USP12: variants seen among roughly 807,000 people sequenced by gnomAD.
USP12 encodes ubiquitin specific peptidase 12, also known as ubiquitin carboxyl-terminal hydrolase 12.
In USP12, 19 loss-of-function variants were observed where a neutral mutation model predicts 45.5. The ratio of observed to expected loss-of-function variants is 0.42; its 90% confidence interval spans 0.29 to 0.61. The LOEUF is 0.61. Among genes scored for constraint, USP12 ranks in the 20% least tolerant of loss-of-function variants. The pLI is 0.22. For synonymous variants in USP12, 149 were observed against 148.8 expected (o/e 1.00, Z -0.01); for missense variants, 242 against 447.7 (o/e 0.54, Z 4.15).
At chr13:27,070,178 C>T (rs1002315954) in intron 8 of USP12, among the ~76,000 whole-genome samples, 1 of 152,154 alleles carries the variant, frequency 6.6e-6, no homozygotes, top group African/African-American at 2.4e-5. Context: ...ACAAATATAT[C>T]AATGAGTGAA....
rs1873006078 is a variant in USP12, at chr13:27,066,612, G to C, written c.*2671C>G. ...TTCCTGTCTTAAATAATCTTTTAAA[G>C]GTAAAATTTCCAAGACAGAAGCCAT... On this transcript the variant is annotated 3_prime_UTR_variant, in exon 9 of 9. Coordinates refer to ENST00000282344, the MANE Select transcript of USP12 (RefSeq NM_182488.4). 6.6e-6 allele frequency: 1 copy of C among 152,088 alleles called. No individual in the cohort carries two copies. Among genetic ancestry groups the C allele is most frequent in the African/African-American group, 2.4e-5 (1 of 41,414 alleles). 9.4% of individuals were successfully genotyped at this position (152,088 alleles called of 1,614,324 possible). A position where few individuals can be genotyped will look rare whatever the true frequency, so the allele number is the denominator to read the frequency against.
chr13:27,169,001 C>T (rs1018252432), intron 1 of USP12: 2 of 152,264 alleles, frequency 1.3e-5, no homozygotes, highest in Non-Finnish European at 2.9e-5. Context: ...TCCACACACA[C>T]ACAGCCACAT....
intron 6 of USP12, among the ~76,000 whole-genome samples, chr13:27,087,769 G>A (rs890031886): frequency 3.3e-5 from 5 of 152,204 alleles, no homozygotes; most frequent in African/African-American, 1.2e-4. Flanking sequence ...GAATGACTGG[G>A]CACATCAAGA....
At chr13:27,118,757 T>C (rs748921002) in intron 1 of USP12, among the ~76,000 whole-genome samples, 5 of 152,150 alleles carry the variant, frequency 3.3e-5, no homozygotes, top group African/African-American at 7.2e-5. Context: ...TACCAGTCCA[T>C]ACACCTTAGG....
intron 1 of USP12, among the ~76,000 whole-genome samples, chr13:27,144,640 A>C (rs1442062474): frequency 6.6e-6 from 1 of 152,000 alleles, no homozygotes; most frequent in East Asian, 1.9e-4. Context: ...AAAGAGACTA[A>C]AGAGATGTAA....
chr13:27,109,183 G>C (rs1452057767), intron 2 of USP12, among the ~76,000 whole-genome samples: 1 of 152,158 alleles, frequency 6.6e-6, no homozygotes, highest in Non-Finnish European at 1.5e-5. Context: ...GTAAATAATG[G>C]ATTAAGCAAT....
At position 27,075,265 on chromosome 13, in the gene USP12, C is replaced by T; in HGVS notation, c.858G>A (p.Leu286=). 6.2e-7 allele frequency: 1 copy of T among 1,614,038 alleles called. No individual in the cohort carries two copies. Among genetic ancestry groups the T allele is most frequent in the Non-Finnish European group, 8.5e-7 (1 of 1,179,972 alleles). Residue 286 remains leucine, a synonymous_variant, in exon 7 of 9, where the codon CTG becomes CTA. Transcript: ENST00000282344. ...TGGTGGCATCACCTGAAGTGTTAAACAGACGAAGTTCTAAAGGAAAAACTA... is the reference window on the plus strand; with the variant it reads ...TGGTGGCATCACCTGAAGTGTTAAATAGACGAAGTTCTAAAGGAAAAACTA... The part of the protein sequence containing the change: ...YRVVFPLELR[L]FNTSGDATNP...
At chr13:27,073,291 G>A (rs1873330469) in intron 7 of USP12, among the ~76,000 whole-genome samples, 1 of 152,192 alleles carries the variant, frequency 6.6e-6, no homozygotes, top group Non-Finnish European at 1.5e-5. Context: ...GACCACCAGG[G>A]CTGTGAGGAA....
chr13:27,069,313 A>G lies in USP12; in HGVS notation c.1083T>C (p.Gly361=). 6.2e-7 allele frequency: 1 copy of G among 1,612,270 alleles called. No homozygotes were observed. Among genetic ancestry groups the G allele is most frequent in the Non-Finnish European group, 8.5e-7 (1 of 1,179,800 alleles). ...CCCGAGACTGATAGAAAAGGATGTA[A>G]CCAGACTCAGAGTTCTTTGAGATAT... ...TSDISKNSES[G]YILFYQSRD Residue 361 remains glycine (G), a synonymous_variant, in exon 9 of 9, where the codon GGT becomes GGC. Transcript: ENST00000282344.
At chr13:27,148,984 AC>A (rs1461754449) in intron 1 of USP12, among the ~76,000 whole-genome samples, 1 of 152,046 alleles carries the variant, frequency 6.6e-6, no homozygotes, top group Non-Finnish European at 1.5e-5. Context: ...GGAGTTCAAG[AC>A]CAGCCTGGGC....
intron 1 of USP12, among the ~76,000 whole-genome samples, chr13:27,137,322 A>G (rs988279339): frequency 6.6e-6 from 1 of 152,226 alleles, no homozygotes; most frequent in Admixed American, 6.5e-5. Flanking sequence ...GATAGATGTC[A>G]TAATAAATCA....
intron 4 of USP12, among the ~76,000 whole-genome samples, chr13:27,091,126 G>A (rs1305052841): frequency 6.6e-6 from 1 of 152,010 alleles, no homozygotes; most frequent in African/African-American, 2.4e-5. Context: ...CAAAAAGTCT[G>A]GTGAAAAAGA....
intron 1 of USP12, among the ~76,000 whole-genome samples, chr13:27,167,449 C>T (rs182312802): frequency 5.3e-5 from 8 of 152,082 alleles, no homozygotes; most frequent in African/African-American, 1.7e-4. Flanking sequence ...TCTATTAATA[C>T]TTCTTCTAAA....
chr13:27,125,676 G>A lies in USP12; in HGVS notation c.49-9080C>T, dbSNP rs181731149. On this transcript the variant is annotated intron_variant, in intron 1 of 8. Coordinates refer to ENST00000282344, the MANE Select transcript of USP12 (RefSeq NM_182488.4). ...GCGTCCCCTCACCCGGGAAGCGCAA[G>A]GGGTCAAGGGATTTCCCTTTCCTAG... Among the ~76,000 whole-genome samples the A allele has an allele frequency of 2.6e-3, 391 of 152,356 alleles. 2 individuals are homozygous for A. Among genetic ancestry groups the A allele is most frequent in the South Asian group, 6.2e-3 (30 of 4,830 alleles).
At chr13:27,075,438 G>T in intron 6 of USP12, 50 bp from the exon 7 acceptor site, 1 of 1,491,962 alleles carries the variant, frequency 6.7e-7, no homozygotes, top group South Asian at 1.2e-5. Context: ...TATCCACCAT[G>T]TCCTTGAATT....
intron 1 of USP12, among the ~76,000 whole-genome samples, chr13:27,148,877 T>C (rs1489704464): frequency 2.0e-5 from 3 of 150,638 alleles, no homozygotes; most frequent in Non-Finnish European, 4.4e-5. Flanking sequence ...AATTCCTCTC[T>C]GAATACAATA....
intron 1 of USP12, among the ~76,000 whole-genome samples, chr13:27,155,370 T>C (rs114080221): frequency 0.016 from 2,437 of 152,124 alleles, 46 homozygotes; most frequent in African/African-American, 0.055. Flanking sequence ...TGTGAGCCAC[T>C]GCACCCAGCG....
chr13:27,118,773 A>T (rs376763060), intron 1 of USP12, among the ~76,000 whole-genome samples: 13 of 152,224 alleles, frequency 8.5e-5, no homozygotes, highest in African/African-American at 3.1e-4. Flanking sequence ...TTAGGAAGGC[A>T]TTTCTGGCCT....
intron 1 of USP12, among the ~76,000 whole-genome samples, chr13:27,160,550 A>C (rs1289107490): frequency 1.3e-5 from 2 of 151,284 alleles, no homozygotes; most frequent in South Asian, 2.1e-4. Context: ...TGCCTAGCAG[A>C]ACCAAAAGCA....
Sources: allele counts gnomAD v4.1 joint callset (sites outside exome capture counted in the v4.1 genomes callset), GRCh38; gene constraint gnomAD v4.1.1; transcripts MANE v1.5; gene names NCBI Gene and HGNC (gene_info 2026-07-23, HGNC 2026-07-21).